Variants in LMBR1 observed in about 807,000 individuals in gnomAD.
LMBR1 encodes the protein limb development membrane protein 1.
LMBR1 carries 52 observed loss-of-function variants against 73.9 expected under a neutral mutation model. That is an observed-to-expected ratio of 0.70 (90% CI 0.56 to 0.89). LMBR1 has a LOEUF of 0.89. LMBR1 is among the 40% of genes least tolerant of loss of function. The pLI, the probability that LMBR1 is intolerant of heterozygous loss-of-function variation, is 0.00. For synonymous variants in LMBR1, 215 were observed against 209.4 expected, an observed-to-expected ratio of 1.03 and a Z score of -0.23; for missense variants, 539 against 579.8, an observed-to-expected ratio of 0.93 and a Z score of 0.72.
intron 4 of LMBR1, among the ~76,000 whole-genome samples, chr7:156,809,848 G>A (rs1429478057): frequency 2.0e-5 from 3 of 152,158 alleles, no homozygotes; most frequent in East Asian, 1.9e-4. Context: ...GATTACATGC[G>A]TTGGTACAGT....
At chr7:156,696,046 A>C (rs1281037641) in intron 15 of LMBR1, among the ~76,000 whole-genome samples, 4 of 152,244 alleles carry the variant, frequency 2.6e-5, no homozygotes, top group Non-Finnish European at 5.9e-5. Context: ...GTCATACTAT[A>C]TTCAAAAATT....
intron 4 of LMBR1, among the ~76,000 whole-genome samples, chr7:156,801,441 T>C (rs888489034): frequency 6.6e-6 from 1 of 152,234 alleles, no homozygotes; most frequent in East Asian, 1.9e-4. Context: ...AAAATTTGTG[T>C]GATTCACTTT....
intron 16 of LMBR1, among the ~76,000 whole-genome samples, chr7:156,684,621 A>T (rs1805622866): frequency 6.6e-6 from 1 of 152,200 alleles, no homozygotes; most frequent in Non-Finnish European, 1.5e-5. Context: ...CTTCTCAGGG[A>T]ACCTAACCCG....
intron 4 of LMBR1, among the ~76,000 whole-genome samples, chr7:156,817,888 A>C (rs1467744264): frequency 1.3e-5 from 2 of 152,180 alleles, no homozygotes; most frequent in African/African-American, 2.4e-5. Flanking sequence ...ACAAATACCT[A>C]CATTATCATC....
At chr7:156,876,680 G>A (rs913472446) in intron 1 of LMBR1, among the ~76,000 whole-genome samples, 4 of 152,016 alleles carry the variant, frequency 2.6e-5, no homozygotes, top group African/African-American at 9.7e-5. Flanking sequence ...TTCAAAACCA[G>A]ACAAATACAT....
intron 1 of LMBR1, among the ~76,000 whole-genome samples, chr7:156,866,506 A>G (rs945497329): frequency 1.3e-5 from 2 of 151,246 alleles, no homozygotes; most frequent in African/African-American, 2.4e-5. Context: ...ATCCATGAGG[A>G]ATTTCTTGCA....
chr7:156,747,262 G>C (rs1364148127), intron 9 of LMBR1, among the ~76,000 whole-genome samples: 1 of 152,036 alleles, frequency 6.6e-6, no homozygotes, highest in African/African-American at 2.4e-5. Flanking sequence ...AAGTATTTTT[G>C]ATCCTGCCCC....
chr7:156,757,973 T>C (rs1007475153), intron 8 of LMBR1, among the ~76,000 whole-genome samples: 2 of 151,778 alleles, frequency 1.3e-5, no homozygotes, highest in Non-Finnish European at 2.9e-5. Flanking sequence ...AATAAACAAA[T>C]AAATATACAA....
intron 4 of LMBR1, among the ~76,000 whole-genome samples, chr7:156,818,348 T>C (rs771844474): frequency 6.6e-6 from 1 of 152,222 alleles, no homozygotes; most frequent in Non-Finnish European, 1.5e-5. Flanking sequence ...ATTGTGGTTA[T>C]ATTTTAACAG....
chr7:156,761,110 G>A (rs1476358875), intron 8 of LMBR1, among the ~76,000 whole-genome samples: 2 of 152,170 alleles, frequency 1.3e-5, no homozygotes, highest in Non-Finnish European at 2.9e-5. Context: ...CCTATTCAGA[G>A]CACAGCAAGT....
In LMBR1 at chr7:156,682,934, C is replaced by T. The variant is rs1250058055; in HGVS notation, c.*1144G>A. ...ATTCTATCCTAGTGGATGGTTGACA[C>T]AGAGTGCAATTTCATAGTTTTTATT... On this transcript the variant is annotated 3_prime_UTR_variant, in exon 17 of 17. Transcript: ENST00000353442. 3 of 152,174 alleles carry T rather than the reference C, an allele frequency of 2.0e-5. No homozygotes were observed. Among genetic ancestry groups the T allele is most frequent in the Admixed American group, 2.0e-4 (3 of 15,280 alleles). 9.4% of individuals were successfully genotyped at this position (152,174 alleles called of 1,614,324 possible).
chr7:156,684,215 G>A, intron 16 of LMBR1, 52 bp from the exon 17 acceptor site: 1 of 1,406,894 alleles, frequency 7.1e-7, no homozygotes, highest in South Asian at 1.2e-5. Flanking sequence ...TGAGTGGCTG[G>A]GAAAGGGTTA....
At chr7:156,705,670 G>A (rs1444010974) in intron 15 of LMBR1, among the ~76,000 whole-genome samples, 2 of 152,170 alleles carry the variant, frequency 1.3e-5, no homozygotes, top group Admixed American at 6.5e-5. Flanking sequence ...GAAAGAATTC[G>A]TCTCCACTAT....
chr7:156,829,638 G>GGCTAAC (rs1836316011), intron 3 of LMBR1, among the ~76,000 whole-genome samples: 1 of 152,144 alleles, frequency 6.6e-6, no homozygotes, highest in East Asian at 1.9e-4. Context: ...ACACATAACA[G>GGCTAAC]ACTAACACTA....
rs1031549182 is a variant in LMBR1 at position 156,670,231 on chromosome 7, A to C, written n.867-944T>G. On this transcript the variant is annotated intron_variant and non_coding_transcript_variant, in intron 4 of 4. Transcript: ENST00000430825. This position sits in a 1 kb window ranked among gnomAD's most constrained non-coding sequence, Gnocchi z 4.3. ...AGGGCACACACATTTCCTTCTTTGCAGAGGAGCTGGATGCTAAGCACGGCT... is the reference window on the plus strand; with the variant it reads ...AGGGCACACACATTTCCTTCTTTGCCGAGGAGCTGGATGCTAAGCACGGCT... 6.6e-6 allele frequency among the ~76,000 whole-genome samples: 1 copy of C among 152,198 alleles called. No homozygotes were observed. The highest frequency in any genetic ancestry group is 1.5e-5 in the Non-Finnish European group (1 of 68,032).
rs118156345 is a variant in LMBR1, at chr7:156,669,992, T to C, written n.867-705A>G. Reference sequence around the variant, plus strand: ...CATCCAAGTACTAAAAGTATAAAGCTGTATGTACTTCTGTGGCCTCTCTCT... The same window carrying C: ...CATCCAAGTACTAAAAGTATAAAGCCGTATGTACTTCTGTGGCCTCTCTCT... On this transcript the variant is annotated intron_variant and non_coding_transcript_variant, in intron 4 of 4. Transcript: ENST00000430825. This position sits in a 1 kb window ranked among gnomAD's most constrained non-coding sequence, Gnocchi z 4.2. 3.3e-5 allele frequency among the ~76,000 whole-genome samples: 5 copies of C among 152,350 alleles called. No individual in the cohort carries two copies. The East Asian group carries it at 9.6e-4, about 29-fold the overall frequency.
At chr7:156,871,033 GAA>G (rs1466907856) in intron 1 of LMBR1, among the ~76,000 whole-genome samples, 1 of 151,694 alleles carries the variant, frequency 6.6e-6, no homozygotes, top group Non-Finnish European at 1.5e-5. Flanking sequence ...TTGGTTTTTT[GAA>G]AAGATTTAAA....
intron 5 of LMBR1, among the ~76,000 whole-genome samples, chr7:156,777,482 A>G (rs1032056835): frequency 6.6e-6 from 1 of 152,162 alleles, no homozygotes; most frequent in Admixed American, 6.5e-5. Context: ...ATCTTCTCAC[A>G]TGTCATATCA....
intron 1 of LMBR1, among the ~76,000 whole-genome samples, chr7:156,848,014 G>A (rs376246260): frequency 1.3e-5 from 2 of 150,860 alleles, no homozygotes; most frequent in South Asian, 4.2e-4. Context: ...AAGGAATCAA[G>A]ATATCCTTCA....
Sources: gnomAD v4.1 joint callset for allele counts (sites outside exome capture counted in the v4.1 genomes callset) on GRCh38, gnomAD v4.1.1 for gene constraint, Gnocchi (gnomAD v3.1) non-coding constraint, MANE v1.5 for transcripts, NCBI Gene and HGNC (gene_info 2026-07-23, HGNC 2026-07-21) for gene names.